METTL22: variants seen among roughly 807,000 people sequenced by gnomAD.
The protein encoded by METTL22 is methyltransferase 22, Kin17 lysine, also known as methyltransferase-like protein 22.
A neutral mutation model predicts 48.4 loss-of-function variants in METTL22; 51 were observed. That is an observed-to-expected ratio of 1.05 (90% confidence interval 0.84 to 1.33). METTL22 has a LOEUF of 1.33. METTL22 is among the 40% of genes most tolerant of loss of function. The pLI, the probability that METTL22 is intolerant of heterozygous loss-of-function variation, is 0.00. For missense variants in METTL22, 678 were observed against 526.9 expected (o/e 1.29, Z -2.81); for synonymous variants, 255 against 214.1 (o/e 1.19, Z -1.67).
chr16:8,664,499 C>A, the METTL22 span, among the ~76,000 whole-genome samples: 1 of 151,840 alleles, frequency 6.6e-6, no homozygotes, highest in African/African-American at 2.4e-5. Flanking sequence ...TGCCACCCAG[C>A]CTGGAGTGCA....
rs768010772 is a variant in METTL22, at chr16:8,642,504, C to T, written c.949C>T (p.Leu317Phe). 2.5e-6 allele frequency: 4 copies of T among 1,614,120 alleles called. No individual in the cohort carries two copies. The highest frequency in any genetic ancestry group is 1.1e-5 in the South Asian group (1 of 91,092). Residue 317 changes from leucine to phenylalanine, a missense_variant, in exon 9 of 11, where the codon CTC (leucine) becomes TTC (phenylalanine). Transcript: ENST00000381920. Reference protein sequence around the residue: ...DDLTDAVFKTLSRLAHRLKNA... With the variant: ...DDLTDAVFKTFSRLAHRLKNA... ...CTTGACTGATGCTGTGTTTAAAACG[C>T]TCTCCCGACTCGCCCACAGATTGAA...
chr16:8,643,370 T>G (rs1234969334), intron 9 of METTL22, among the ~76,000 whole-genome samples: 2 of 152,176 alleles, frequency 1.3e-5, no homozygotes, highest in African/African-American at 4.8e-5. Flanking sequence ...ATCAGGACAG[T>G]TGGGAAAAGT....
At chr16:8,652,627 G>T (rs1482184462), downstream of METTL22, among the ~76,000 whole-genome samples, 6 of 151,862 alleles carry the variant, frequency 4.0e-5, no homozygotes, top group African/African-American at 1.2e-4. Flanking sequence ...AGACCAGCCT[G>T]GGCAACATAG....
the METTL22 span, among the ~76,000 whole-genome samples, chr16:8,660,136 C>CTTTAT: frequency 6.6e-6 from 1 of 151,584 alleles, no homozygotes; most frequent in Non-Finnish European, 1.5e-5. Flanking sequence ...CATTAACTGA[C>CTTTAT]TTTATGTGTA....
At chr16:8,659,575 A>C in the METTL22 span, among the ~76,000 whole-genome samples, 1 of 152,186 alleles carries the variant, frequency 6.6e-6, no homozygotes, top group Non-Finnish European at 1.5e-5. Flanking sequence ...CCTGCAATAA[A>C]CAAATAAATG....
chr16:8,625,553 A>T lies in METTL22; in HGVS notation c.-113A>T. ...TCTTCTCCCAGGGCGATGCAAAGCT[A>T]CTCGCTACCAGCTTGGACCTGTCTG... On this transcript the variant is annotated 5_prime_UTR_variant, in exon 2 of 11. Coordinates refer to ENST00000381920, the MANE Select transcript of METTL22 (RefSeq NM_024109.4). The T allele has an allele frequency of 1.0e-6, 1 of 970,044 alleles. No homozygotes were observed. The highest frequency in any genetic ancestry group is 1.5e-6 in the Non-Finnish European group (1 of 674,262). The allele number at this position is 970,044 out of a possible 1,614,324, so 60.1% of individuals were successfully genotyped here.
At chr16:8,624,722 G>T (rs1372105865) in intron 1 of METTL22, among the ~76,000 whole-genome samples, 1 of 152,008 alleles carries the variant, frequency 6.6e-6, no homozygotes, top group Non-Finnish European at 1.5e-5. Flanking sequence ...AAAATTTAAT[G>T]CCAAGTATGG....
At chr16:8,636,994 C>T (rs568455995) in intron 5 of METTL22, among the ~76,000 whole-genome samples, 2 of 152,304 alleles carry the variant, frequency 1.3e-5, no homozygotes, top group African/African-American at 2.4e-5. Context: ...TGAAAACCAG[C>T]CAGTGAAGTT....
intron 7 of METTL22, 53 bp downstream of exon 7, chr16:8,641,237 T>C: frequency 6.4e-7 from 1 of 1,563,266 alleles, no homozygotes; most frequent in South Asian, 1.1e-5. Flanking sequence ...TCCTTTGTAA[T>C]ACCTCAGTGC....
chr16:8,661,377 T>C, the METTL22 span, among the ~76,000 whole-genome samples: 1 of 151,630 alleles, frequency 6.6e-6, no homozygotes, highest in Non-Finnish European at 1.5e-5. Flanking sequence ...CCGGGCGCGG[T>C]GGCTCACACC....
chr16:8,654,718 G>A, the METTL22 span, among the ~76,000 whole-genome samples: 8 of 152,258 alleles, frequency 5.3e-5, no homozygotes, highest in Non-Finnish European at 7.4e-5. Flanking sequence ...GTGGGTCTGG[G>A]GCTACAAGAC....
chr16:8,651,039 A>G (rs903968010), downstream of METTL22, among the ~76,000 whole-genome samples: 2 of 151,478 alleles, frequency 1.3e-5, no homozygotes, highest in Non-Finnish European at 2.9e-5. Context: ...ATATAAATAA[A>G]TAAATGGGAA....
In METTL22 at chr16:8,628,808, A is replaced by T. The variant is rs769525116; in HGVS notation, c.212A>T (p.Asp71Val). 2 of 1,614,174 alleles carry T rather than the reference A, an allele frequency of 1.2e-6. No homozygotes were observed. Among genetic ancestry groups the T allele is most frequent in the Non-Finnish European group, 8.5e-7 (1 of 1,180,034 alleles). Residue 71 changes from aspartate (D) to valine (V), a missense_variant, in exon 3 of 11, where the codon GAT becomes GTT. Asp to Val is a radical substitution (Grantham distance 152, BLOSUM62 -3). Coordinates refer to ENST00000381920, the MANE Select transcript of METTL22 (RefSeq NM_024109.4). Reference protein sequence around the residue: ...DSGAKGGSHRDVHTKEPPSAE... With the variant: ...DSGAKGGSHRVVHTKEPPSAE... ...GGAGCCAAGGGTGGCAGTCACAGAG[A>T]TGTTCACACAAAGGAGCCTCCTTCT...
rs1446942173 is a variant in METTL22, at chr16:8,647,129, C to G, written c.*986C>G. On this transcript the variant is annotated 3_prime_UTR_variant, in exon 11 of 11. Coordinates refer to ENST00000381920, the MANE Select transcript of METTL22 (RefSeq NM_024109.4). Reference sequence around the variant, plus strand: ...CTGGCTTCTCCATGCACTGTCCCTGCCCACACTCGCTTCTCCCCAAGCTCC... The same window carrying G: ...CTGGCTTCTCCATGCACTGTCCCTGGCCACACTCGCTTCTCCCCAAGCTCC... The G allele has an allele frequency of 1.1e-5, 2 of 188,956 alleles. No individual in the cohort carries two copies. Among genetic ancestry groups the G allele is most frequent in the Non-Finnish European group, 2.2e-5 (2 of 89,066 alleles). 11.7% of individuals were successfully genotyped at this position (188,956 alleles called of 1,614,324 possible).
the METTL22 span, among the ~76,000 whole-genome samples, chr16:8,659,110 A>C: frequency 4.6e-4 from 70 of 152,072 alleles, no homozygotes; most frequent in Admixed American, 1.2e-3. Flanking sequence ...GTGGGCAGAT[A>C]ACTTGAGGTC....
At chr16:8,632,982 G>A (rs1020653543) in intron 3 of METTL22, among the ~76,000 whole-genome samples, 1 of 152,112 alleles carries the variant, frequency 6.6e-6, no homozygotes, top group African/African-American at 2.4e-5. Context: ...GGAACCCTTA[G>A]GACAGCTGGG....
chr16:8,658,182 G>A, the METTL22 span, among the ~76,000 whole-genome samples: 31 of 152,274 alleles, frequency 2.0e-4, no homozygotes, highest in African/African-American at 6.5e-4. Flanking sequence ...GCCTATGAAG[G>A]CAGAGATCAG....
At chr16:8,639,551 T>C (rs778092632) in intron 6 of METTL22, 42 of 243,266 alleles carry the variant, frequency 1.7e-4, no homozygotes, top group Non-Finnish European at 3.1e-4. Flanking sequence ...TCATCACCTG[T>C]GGGGTGAAGT....
chr16:8,626,895 T>A (rs2056080094), intron 2 of METTL22, among the ~76,000 whole-genome samples: 1 of 150,760 alleles, frequency 6.6e-6, no homozygotes, highest in African/African-American at 2.4e-5. Context: ...GCCTCCCAAG[T>A]AGCTGGGACT....
Sources: allele counts gnomAD v4.1 joint callset (sites outside exome capture counted in the v4.1 genomes callset), GRCh38; gene constraint gnomAD v4.1.1; transcripts MANE v1.5; gene names NCBI Gene and HGNC (gene_info 2026-07-23, HGNC 2026-07-21).